The following KLHL26 variants were observed in gnomAD, a reference collection of about 807,000 sequenced individuals.
KLHL26 encodes the protein kelch like family member 26.
KLHL26 carries 4 observed loss-of-function variants against 7.1 expected under a neutral mutation model. That is an observed-to-expected ratio of 0.56 (90% CI 0.28 to 1.28). The LOEUF (loss-of-function observed/expected upper bound fraction) is 1.28. KLHL26 is among the 50% of genes most tolerant of loss of function. The pLI, the probability that KLHL26 is intolerant of heterozygous loss-of-function variation, is 0.11. For synonymous variants in KLHL26, 465 were observed against 414.1 expected, an observed-to-expected ratio of 1.12 and a Z score of -1.49; for missense variants, 896 against 924.6, an observed-to-expected ratio of 0.97 and a Z score of 0.40.
intron 1 of KLHL26, among the ~76,000 whole-genome samples, chr19:18,654,328 C>T (rs2052302594): frequency 6.6e-6 from 1 of 150,480 alleles, no homozygotes; most frequent in South Asian, 2.1e-4. Context: ...CCCACCCACC[C>T]ATCCACCAAT....
In KLHL26 at chr19:18,655,262, T is replaced by A. The variant is rs141106226; in HGVS notation, c.84-8999T>A. ...GCCTTGAAAAGCCCCTGTCTTGCTC[T>A]TCCTGCTGTTCAGCTCCATGTCCAT... On this transcript the variant is annotated intron_variant, in intron 1 of 2. Coordinates refer to ENST00000300976, the MANE Select transcript of KLHL26 (RefSeq NM_018316.3). 3.3e-5 allele frequency among the ~76,000 whole-genome samples: 5 copies of A among 152,328 alleles called. No homozygotes were observed. The East Asian group carries it at 9.6e-4, about 29-fold the overall frequency.
rs1021995804 is a variant in KLHL26 at position 18,669,698 on chromosome 19, C to T, written c.*453C>T. 6 of 223,364 alleles carry T rather than the reference C, an allele frequency of 2.7e-5. No homozygotes were observed. Among genetic ancestry groups the T allele is most frequent in the African/African-American group, 9.1e-5 (4 of 44,064 alleles). The allele number at this position is 223,364 out of a possible 1,614,324, so 13.8% of individuals were successfully genotyped here. ...ACCCTCCTTCCAAGTCTCCTGCGCGCGTGTTTTTAAAATAAACTCACCCGA... is the reference window on the plus strand; with the variant it reads ...ACCCTCCTTCCAAGTCTCCTGCGCGTGTGTTTTTAAAATAAACTCACCCGA... On this transcript the variant is annotated 3_prime_UTR_variant, in exon 3 of 3. Coordinates refer to ENST00000300976, the MANE Select transcript of KLHL26 (RefSeq NM_018316.3).
chr19:18,640,551 A>ATTTT lies in KLHL26; in HGVS notation c.83+3436_83+3439dup, dbSNP rs56247740. 6.0e-4 allele frequency among the ~76,000 whole-genome samples: 58 copies of ATTTT among 96,624 alleles called. 1 individual carries two copies. The highest frequency in any genetic ancestry group is 1.9e-3 in the African/African-American group (44 of 22,664). 63.4% of individuals were successfully genotyped at this position (96,624 alleles called of 152,430 possible). A position where few individuals can be genotyped will look rare whatever the true frequency, so the allele number is the denominator to read the frequency against. On this transcript the variant is annotated intron_variant, in intron 1 of 2. Transcript: ENST00000300976. ...AGCCACTACGCCTGGCTATGTTTTA[A>ATTTT]TTTTTTTTTTTTTTTTTTTTTTTTT... is the stretch of plus-strand genomic sequence containing the variant.
In KLHL26 at chr19:18,668,452, G is replaced by A; in HGVS notation, c.1055G>A (p.Ser352Asn). The A allele has an allele frequency of 6.2e-7, 1 of 1,611,318 alleles. No individual in the cohort carries two copies. Among genetic ancestry groups the A allele is most frequent in the South Asian group, 1.1e-5 (1 of 91,064 alleles). The change falls in exon 3 of 3, where the codon AGC (serine) becomes AAC (asparagine). Residue 352 changes from serine to asparagine, a missense_variant. Physicochemically the swap from Ser to Asn is conservative, Grantham distance 46 (BLOSUM62 1). Transcript: ENST00000300976. ...RELTEMEVGC[S>N]HTCVAVLDNF... ...CTCACGGAGATGGAGGTAGGCTGCAGCCACACGTGCGTGGCCGTGCTGGAC... is the reference window on the plus strand; with the variant it reads ...CTCACGGAGATGGAGGTAGGCTGCAACCACACGTGCGTGGCCGTGCTGGAC...
At chr19:18,663,226 C>T (rs559640721) in intron 1 of KLHL26, among the ~76,000 whole-genome samples, 29 of 152,362 alleles carry the variant, frequency 1.9e-4, no homozygotes, top group Non-Finnish European at 3.7e-4. Context: ...AACTTCTCTG[C>T]CTGTGGTGCC....
rs200171150 is a variant in KLHL26 at position 18,668,019 on chromosome 19, C to T, written c.622C>T (p.Arg208Cys). Reference protein sequence around the residue: ...EEDFLRLPLERLVFFLQSNRL... With the variant: ...EEDFLRLPLECLVFFLQSNRL... ...GGATTTCCTGCGCCTGCCACTGGAGCGCCTGGTCTTCTTCCTGCAGAGCAA... is the reference window on the plus strand; with the variant it reads ...GGATTTCCTGCGCCTGCCACTGGAGTGCCTGGTCTTCTTCCTGCAGAGCAA... Residue 208 changes from arginine to cysteine, a missense_variant, in exon 3 of 3, where the codon CGC becomes TGC. Arg to Cys is a radical substitution (Grantham distance 180, BLOSUM62 -3). Coordinates refer to ENST00000300976, the MANE Select transcript of KLHL26 (RefSeq NM_018316.3). 200 of 1,608,920 alleles carry T rather than the reference C, an allele frequency of 1.2e-4. No individual in the cohort carries two copies. Among genetic ancestry groups the T allele is most frequent in the Non-Finnish European group, 1.6e-4 (192 of 1,179,978 alleles).
intron 2 of KLHL26, among the ~76,000 whole-genome samples, chr19:18,666,924 C>G (rs1360828780): frequency 6.6e-6 from 1 of 152,192 alleles, no homozygotes. Context: ...CAGATCTGTC[C>G]CCAGAGCCAC....
At chr19:18,642,866 T>C (rs1212025975) in intron 1 of KLHL26, among the ~76,000 whole-genome samples, 3 of 151,570 alleles carry the variant, frequency 2.0e-5, no homozygotes, top group Non-Finnish European at 4.4e-5. Flanking sequence ...CATTGTCTCA[T>C]TCTGTCGCCC....
chr19:18,638,961 T>A (rs1976665271), intron 1 of KLHL26, among the ~76,000 whole-genome samples: 1 of 152,158 alleles, frequency 6.6e-6, no homozygotes, highest in African/African-American at 2.4e-5. Context: ...CACCCCTCAC[T>A]AAGTGCTGAG....
rs1232145626 is a variant in KLHL26, at chr19:18,650,683, G to C, written c.83+13546G>C. 6.6e-6 allele frequency among the ~76,000 whole-genome samples: 1 copy of C among 152,194 alleles called. No individual in the cohort carries two copies. The highest frequency in any genetic ancestry group is 1.5e-5 in the Non-Finnish European group (1 of 68,040). On this transcript the variant is annotated intron_variant, in intron 1 of 2. Transcript: ENST00000300976. This position sits in a 1 kb window ranked among gnomAD's most constrained non-coding sequence, Gnocchi z 4.2. The stretch of plus-strand genomic sequence containing the variant: ...GCTGATGGCACCGGGCCCCTTTGCC[G>C]TTCCAGCCTCAGTCACGCCTCCAGT...
At chr19:18,653,861 T>C (rs1198473912) in intron 1 of KLHL26, among the ~76,000 whole-genome samples, 1 of 18,550 alleles carries the variant, frequency 5.4e-5, no homozygotes. Flanking sequence ...CCCACCCACC[T>C]ATCCATGCAC....
chr19:18,654,982 G>A (rs1254786142), intron 1 of KLHL26, among the ~76,000 whole-genome samples: 3 of 152,262 alleles, frequency 2.0e-5, no homozygotes, highest in African/African-American at 7.2e-5. Context: ...TGCCTGCTCG[G>A]CTTCCATGGG....
At chr19:18,667,356 GT>G in intron 2 of KLHL26, 2 of 444,974 alleles carry the variant, frequency 4.5e-6, no homozygotes, top group Non-Finnish European at 8.3e-6. Context: ...TTGTTTGTTT[GT>G]TTGTTTGTTT....
rs762255030 is a variant in KLHL26 at position 18,668,668 on chromosome 19, C to G, written c.1271C>G (p.Ala424Gly). 1.9e-6 allele frequency: 3 copies of G among 1,571,468 alleles called. No individual in the cohort carries two copies. Among genetic ancestry groups the G allele is most frequent in the Non-Finnish European group, 2.6e-6 (3 of 1,163,214 alleles). The change falls in exon 3 of 3, where the codon GCC becomes GGC. Residue 424 changes from alanine (A) to glycine (G), a missense_variant. Physicochemically the swap from Ala to Gly is moderately conservative, Grantham distance 60 (BLOSUM62 0). Transcript: ENST00000300976. ...MVYATGGRNR[A>G]GSLASVERYC... Reference sequence around the variant, plus strand: ...TACGCCACGGGCGGCCGCAACCGAGCCGGCAGCCTGGCCTCCGTGGAGCGG... The same window carrying G: ...TACGCCACGGGCGGCCGCAACCGAGGCGGCAGCCTGGCCTCCGTGGAGCGG...
intron 1 of KLHL26, among the ~76,000 whole-genome samples, chr19:18,642,774 C>G (rs1976737598): frequency 6.6e-6 from 1 of 152,004 alleles, no homozygotes; most frequent in Non-Finnish European, 1.5e-5. Flanking sequence ...CTCCTGGGCT[C>G]AAGCTATCCT....
At position 18,669,585 on chromosome 19, in the gene KLHL26, A is replaced by T. The variant is rs2052504442; in HGVS notation, c.*340A>T. The T allele has an allele frequency of 4.0e-6, 2 of 505,440 alleles. No individual in the cohort carries two copies. The highest frequency in any genetic ancestry group is 7.0e-6 in the Non-Finnish European group (2 of 287,460). 31.3% of individuals were successfully genotyped at this position (505,440 alleles called of 1,614,324 possible). On this transcript the variant is annotated 3_prime_UTR_variant, in exon 3 of 3. Transcript: ENST00000300976. ...GGGGGTCCCTGTGCAGCTCCATCTC[A>T]CTTCTCTACTGCCTCCCAGCCCCAC... is the stretch of plus-strand genomic sequence containing the variant.
Position 18,669,589 on chromosome 19 carries a change from C to A in KLHL26, c.*344C>A. 1 of 502,254 alleles carries A rather than the reference C, an allele frequency of 2.0e-6. No individual in the cohort carries two copies. Among genetic ancestry groups the A allele is most frequent in the Non-Finnish European group, 3.5e-6 (1 of 285,412 alleles). The allele number at this position is 502,254 out of a possible 1,614,324, so 31.1% of individuals were successfully genotyped here. ...GTCCCTGTGCAGCTCCATCTCACTT[C>A]TCTACTGCCTCCCAGCCCCACGGTT... On this transcript the variant is annotated 3_prime_UTR_variant, in exon 3 of 3. Coordinates refer to ENST00000300976, the MANE Select transcript of KLHL26 (RefSeq NM_018316.3).
chr19:18,664,027 C>T (rs989671257), intron 1 of KLHL26, among the ~76,000 whole-genome samples: 3 of 152,128 alleles, frequency 2.0e-5, no homozygotes, highest in Non-Finnish European at 4.4e-5. Context: ...TCTCATCCCT[C>T]CAAAAGGAGA....
chr19:18,647,113 C>T (rs924452178), intron 1 of KLHL26, among the ~76,000 whole-genome samples: 7 of 152,220 alleles, frequency 4.6e-5, no homozygotes, highest in Non-Finnish European at 8.8e-5. Context: ...AGGAGGCCAC[C>T]CTCTCCTCCC....
Sources: gnomAD v4.1 joint callset for allele counts (sites outside exome capture counted in the v4.1 genomes callset) on GRCh38, gnomAD v4.1.1 for gene constraint, Gnocchi (gnomAD v3.1) non-coding constraint, MANE v1.5 for transcripts, NCBI Gene and HGNC (gene_info 2026-07-23, HGNC 2026-07-21) for gene names.